Variants in CLSTN2 observed in about 807,000 individuals in gnomAD.
CLSTN2 encodes the protein calsyntenin 2.
A neutral mutation model predicts 101.2 loss-of-function variants in CLSTN2; 48 were observed. That is an observed-to-expected ratio of 0.47 (90% CI 0.38 to 0.60). The LOEUF is 0.60. Among genes scored for constraint, CLSTN2 ranks in the 20% least tolerant of loss-of-function variants. The pLI is 0.00. For synonymous variants in CLSTN2, 481 were observed against 463.6 expected, an observed-to-expected ratio of 1.04 and a Z score of -0.48; for missense variants, 1,160 against 1,238.2, an observed-to-expected ratio of 0.94 and a Z score of 0.95.
At chr3:140,438,070 A>G (rs1428878662) in intron 5 of CLSTN2, among the ~76,000 whole-genome samples, 1 of 152,274 alleles carries the variant, frequency 6.6e-6, no homozygotes, top group East Asian at 1.9e-4. Flanking sequence ...ATCATATGTC[A>G]GCATGCTTCT....
intron 2 of CLSTN2, among the ~76,000 whole-genome samples, chr3:140,334,203 A>G (rs1430610726): frequency 1.9e-4 from 29 of 152,218 alleles, no homozygotes; most frequent in Non-Finnish European, 4.0e-4. Flanking sequence ...CAAGAAAAGC[A>G]TCCAAATGCT....
intron 1 of CLSTN2, among the ~76,000 whole-genome samples, chr3:139,980,873 A>G (rs1000146644): frequency 5.3e-5 from 8 of 152,146 alleles, no homozygotes; most frequent in African/African-American, 1.7e-4. Context: ...TTTGTCATAC[A>G]TATGGAGAGC....
intron 2 of CLSTN2, among the ~76,000 whole-genome samples, chr3:140,289,368 G>A (rs1025849257): frequency 2.0e-5 from 3 of 151,930 alleles, no homozygotes; most frequent in Non-Finnish European, 4.4e-5. Flanking sequence ...TTGCAGGGGG[G>A]CGGGGAGAGG....
chr3:140,532,470 C>A lies in CLSTN2; in HGVS notation c.1491C>A (p.Val497=), dbSNP rs147461629. ...CTCACATAGCCATGCAACTCACAGT[C>A]GGCGCTTGTTGGCAAGGTAATCCTA... ...HPSHIAMQLT[V]GACWQGGEVT... is the part of the protein sequence containing the mutation. Residue 497 remains valine (V), a synonymous_variant, in exon 9 of 17, where the codon GTC becomes GTA. Coordinates refer to ENST00000458420, the MANE Select transcript of CLSTN2 (RefSeq NM_022131.3). The A allele has an allele frequency of 6.2e-7, 1 of 1,613,022 alleles. No homozygotes were observed. The highest frequency in any genetic ancestry group is 2.2e-5 in the East Asian group (1 of 44,860).
intron 5 of CLSTN2, among the ~76,000 whole-genome samples, chr3:140,446,385 C>A (rs573756726): frequency 6.6e-6 from 1 of 152,268 alleles, no homozygotes; most frequent in African/African-American, 2.4e-5. Context: ...AATCTCACAT[C>A]CGTAATGTGC....
chr3:140,404,739 G>C lies in CLSTN2; in HGVS notation c.610G>C (p.Asp204His), dbSNP rs759504921. Residue 204 changes from aspartate (D) to histidine (H), a missense_variant, in exon 4 of 17, where the codon GAT becomes CAT. Physicochemically the swap from Asp to His is moderately conservative, Grantham distance 81 (BLOSUM62 -1). Transcript: ENST00000458420. ...CTGCAACTATGAAATCGTCACCACA[G>C]ATGTGCCTTTTGCCATCGACAGAAA... ...QICNYEIVTT[D>H]VPFAIDRNGN... 15 of 1,614,204 alleles carry C rather than the reference G, an allele frequency of 9.3e-6. No homozygotes were observed. The South Asian group carries it at 1.5e-4, about 17-fold the overall frequency.
chr3:140,416,022 G>T (rs2088428119), intron 4 of CLSTN2, among the ~76,000 whole-genome samples: 1 of 152,134 alleles, frequency 6.6e-6, no homozygotes, highest in African/African-American at 2.4e-5. Flanking sequence ...ATATTACTCA[G>T]CGTTAAAAAA....
At chr3:140,486,408 A>C (rs1934242633) in intron 8 of CLSTN2, among the ~76,000 whole-genome samples, 1 of 152,250 alleles carries the variant, frequency 6.6e-6, no homozygotes, top group South Asian at 2.1e-4. Context: ...TAATGTATTT[A>C]AGGGCAAAGG....
chr3:140,480,847 C>A (rs1029696928), intron 8 of CLSTN2, among the ~76,000 whole-genome samples: 10 of 152,090 alleles, frequency 6.6e-5, no homozygotes, highest in African/African-American at 2.2e-4. Context: ...TGGATATTAG[C>A]CCTTTGTCCA....
At chr3:140,440,898 C>T (rs1044308379) in intron 5 of CLSTN2, among the ~76,000 whole-genome samples, 4 of 152,186 alleles carry the variant, frequency 2.6e-5, no homozygotes, top group Admixed American at 6.5e-5. Flanking sequence ...AAAGTGGAAA[C>T]AAGGGGCTCG....
intron 1 of CLSTN2, among the ~76,000 whole-genome samples, chr3:140,108,312 T>C (rs1475014553): frequency 3.3e-5 from 5 of 152,220 alleles, no homozygotes; most frequent in Admixed American, 6.5e-5. Context: ...TACTTAATAC[T>C]ATATCACATG....
At chr3:140,341,203 G>A (rs77674795) in intron 2 of CLSTN2, among the ~76,000 whole-genome samples, 4,019 of 152,246 alleles carry the variant, frequency 0.026, 79 homozygotes, top group Non-Finnish European at 0.037. Context: ...CAAAGAGAAA[G>A]GAGCTCTTTT....
intron 1 of CLSTN2, among the ~76,000 whole-genome samples, chr3:139,957,804 A>C (rs1013283575): frequency 6.6e-6 from 1 of 152,166 alleles, no homozygotes; most frequent in African/African-American, 2.4e-5. Flanking sequence ...GTTTGCCACA[A>C]GCTGCTCTTG....
At chr3:140,309,912 C>T (rs58258145) in intron 2 of CLSTN2, among the ~76,000 whole-genome samples, 26,658 of 152,022 alleles carry the variant, frequency 0.18, 2,419 homozygotes, top group South Asian at 0.27. Context: ...CTTCTAGGAC[C>T]GAAGCCTCAT....
rs1162740570 is a variant in CLSTN2 at position 140,576,007 on chromosome 3, T to A, written c.*9754T>A. 6.6e-6 allele frequency: 1 copy of A among 152,166 alleles called. No homozygotes were observed. Among genetic ancestry groups the A allele is most frequent in the Non-Finnish European group, 1.5e-5 (1 of 68,026 alleles). 9.4% of individuals were successfully genotyped at this position (152,166 alleles called of 1,614,324 possible). ...AGCAGTGGGAATAGTGCTTGGCACA[T>A]AGTAGGAGTTTGGTAAACATTTGGA... On this transcript the variant is annotated 3_prime_UTR_variant, in exon 17 of 17. Coordinates refer to ENST00000458420, the MANE Select transcript of CLSTN2 (RefSeq NM_022131.3).
chr3:140,205,093 C>T (rs1280092204), intron 2 of CLSTN2, among the ~76,000 whole-genome samples: 2 of 152,088 alleles, frequency 1.3e-5, no homozygotes, highest in Admixed American at 1.3e-4. Context: ...TTGTTCCATC[C>T]AGGAAGAGGG....
At chr3:140,558,929 A>G (rs750322838) in intron 12 of CLSTN2, 72 bp downstream of exon 12, 13 of 1,210,228 alleles carry the variant, frequency 1.1e-5, no homozygotes, top group Non-Finnish European at 1.6e-5. Flanking sequence ...CATACTTCAG[A>G]ACAACAGCAT....
chr3:140,056,517 G>A (rs2008099478), intron 1 of CLSTN2, among the ~76,000 whole-genome samples: 1 of 152,160 alleles, frequency 6.6e-6, no homozygotes, highest in Admixed American at 6.5e-5. Flanking sequence ...TGTATCCTCA[G>A]CCTGGGTGGG....
At chr3:140,277,001 A>G (rs1448455596) in intron 2 of CLSTN2, among the ~76,000 whole-genome samples, 3 of 152,272 alleles carry the variant, frequency 2.0e-5, no homozygotes, top group Non-Finnish European at 4.4e-5. Flanking sequence ...GGCTGAGGCC[A>G]GCAGAATCAG....
Sources: allele counts gnomAD v4.1 joint callset (sites outside exome capture counted in the v4.1 genomes callset), GRCh38; gene constraint gnomAD v4.1.1; transcripts MANE v1.5; gene names NCBI Gene and HGNC (gene_info 2026-07-23, HGNC 2026-07-21).